TMPRSS7: variants seen among roughly 807,000 people sequenced by gnomAD.
TMPRSS7 encodes transmembrane serine protease 7.
Under a neutral mutation model 95.6 loss-of-function variants are expected in TMPRSS7, and 81 were observed. The ratio of observed to expected loss-of-function variants is 0.85; its 90% CI spans 0.71 to 1.02. TMPRSS7 has a LOEUF of 1.02. Among genes scored for constraint, TMPRSS7 ranks in the 50% least tolerant of loss-of-function variants. The probability of loss-of-function intolerance (pLI) is 0.00; values close to 1 mark genes in which losing one functional copy is unlikely to be tolerated. For missense variants in TMPRSS7, 945 were observed against 955.2 expected (o/e 0.99, Z 0.14); for synonymous variants, 364 against 337.8 (o/e 1.08, Z -0.85).
At chr3:112,049,768 G>A in intron 7 of TMPRSS7, 76 bp from the exon 8 acceptor site, 3 of 1,252,066 alleles carry the variant, frequency 2.4e-6, no homozygotes, top group Non-Finnish European at 3.3e-6. Flanking sequence ...GGAAATGTGT[G>A]GAATCGTTTT....
intron 9 of TMPRSS7, among the ~76,000 whole-genome samples, chr3:112,051,655 T>TCATCTATCTATCTAA (rs2073357430): frequency 3.5e-5 from 3 of 85,992 alleles, no homozygotes; most frequent in Non-Finnish European, 7.9e-5. Context: ...TATCTATCTA[T>TCATCTATCTATCTAA]CTATCTATCT....
At chr3:112,061,755 C>T (rs2073508744) in intron 10 of TMPRSS7, 32 bp from the exon 11 acceptor site, 1 of 1,570,800 alleles carries the variant, frequency 6.4e-7, no homozygotes, top group Non-Finnish European at 8.7e-7. Context: ...GAACCTCAAG[C>T]TGTGTATTCT....
chr3:112,065,098 T>C (rs7650076), intron 12 of TMPRSS7, among the ~76,000 whole-genome samples: 81,765 of 152,092 alleles, frequency 0.54, 22,695 homozygotes, highest in Admixed American at 0.62. Flanking sequence ...TGGAGAGCAG[T>C]GGTGTGATCA....
intron 8 of TMPRSS7, 140 bp from the exon 9 acceptor site, chr3:112,050,531 A>AAAAAAAAAAAAAC (rs1378179423): frequency 1.1e-5 from 4 of 366,928 alleles, no homozygotes; most frequent in African/African-American, 8.3e-5. Context: ...TGAAAAAAAA[A>AAAAAAAAAAAAAC]AAAAAAACCC....
At chr3:112,074,487 T>C in intron 14 of TMPRSS7, 75 bp downstream of exon 14, 1 of 1,136,820 alleles carries the variant, frequency 8.8e-7, no homozygotes, top group Non-Finnish European at 1.3e-6. Context: ...TTCATTCCCT[T>C]CTTGGTGTAT....
rs2073250084 is a variant in TMPRSS7 at position 112,044,337 on chromosome 3, T to G, written c.497+15T>G. Reference sequence around the variant, plus strand: ...GCAGATGTCAGGTAATGCATGTCCCTTGTTTTGAGATTTCTGTGTTCATTG... The same window carrying G: ...GCAGATGTCAGGTAATGCATGTCCCGTGTTTTGAGATTTCTGTGTTCATTG... On this transcript the variant is annotated intron_variant, in intron 4 of 17. Coordinates refer to ENST00000452346, the Ensembl canonical transcript of TMPRSS7. The G allele has an allele frequency of 8.4e-6, 13 of 1,546,770 alleles. No individual in the cohort carries two copies. Among genetic ancestry groups the G allele is most frequent in the Non-Finnish European group, 1.0e-5 (12 of 1,142,888 alleles).
At chr3:112,036,801 G>A (rs1224419984) in intron 1 of TMPRSS7, among the ~76,000 whole-genome samples, 1 of 152,174 alleles carries the variant, frequency 6.6e-6, no homozygotes, top group Non-Finnish European at 1.5e-5. Context: ...CATGGCAGAA[G>A]AACATAAATT....
rs756698755 is a variant in TMPRSS7 at position 112,063,521 on chromosome 3, A to G, written c.1448-4A>G. ...TCTATTTTTTGATTTTTTGTTGCCC[A>G]TAGCCTGCCCTGTTGGATCTTTTAG... On this transcript the variant is annotated splice_region_variant and splice_polypyrimidine_tract_variant and intron_variant, in intron 11 of 17. Coordinates refer to ENST00000452346, the Ensembl canonical transcript of TMPRSS7. 4 of 1,613,294 alleles carry G rather than the reference A, an allele frequency of 2.5e-6. No individual in the cohort carries two copies. The highest frequency in any genetic ancestry group is 2.2e-5 in the South Asian group (2 of 91,024).
chr3:112,049,859 A>G, exon 8 of TMPRSS7: 1 of 1,529,472 alleles, frequency 6.5e-7, no homozygotes, highest in Non-Finnish European at 8.9e-7. Flanking sequence ...GTGAACCCAC[A>G]AGAACATTAA....
intron 13 of TMPRSS7, among the ~76,000 whole-genome samples, chr3:112,068,730 G>A (rs184133163): frequency 0.018 from 2,758 of 152,246 alleles, 71 homozygotes; most frequent in African/African-American, 0.063. Flanking sequence ...GGGCTGAGAT[G>A]ATGGGGTTTT....
rs2073146449 is a variant in TMPRSS7, at chr3:112,035,765, A to T, written c.48+872A>T. ...TAAAGAATTCACAGCATCAAATAGC[A>T]GAGGGTAGACAAGAAAATAAAAGAG... On this transcript the variant is annotated intron_variant, in intron 1 of 17. Transcript: ENST00000452346. 2.0e-5 allele frequency among the ~76,000 whole-genome samples: 3 copies of T among 152,234 alleles called. No individual in the cohort carries two copies. In the South Asian group the frequency reaches 6.2e-4, roughly 31 times the overall value.
At chr3:112,037,137 A>T (rs1324187349) in intron 1 of TMPRSS7, among the ~76,000 whole-genome samples, 1 of 152,254 alleles carries the variant, frequency 6.6e-6, no homozygotes, top group African/African-American at 2.4e-5. Flanking sequence ...ATGTTCAGGG[A>T]ACAAGGGAGA....
chr3:112,050,112 G>A (rs1236735242), intron 8 of TMPRSS7, 138 bp downstream of exon 8: 1 of 771,372 alleles, frequency 1.3e-6, no homozygotes, highest in African/African-American at 1.8e-5. Flanking sequence ...TCAGAAGAGA[G>A]AGACCATATT....
chr3:112,045,234 G>A (rs947095207), intron 4 of TMPRSS7, among the ~76,000 whole-genome samples: 5 of 152,100 alleles, frequency 3.3e-5, no homozygotes, highest in Non-Finnish European at 7.4e-5. Context: ...TGCAACGTCT[G>A]CCTCCCGGGT....
At chr3:112,066,734 A>AGT (rs369038476) in intron 13 of TMPRSS7, among the ~76,000 whole-genome samples, 5 of 150,954 alleles carry the variant, frequency 3.3e-5, no homozygotes, top group East Asian at 3.9e-4. Context: ...TATGTGTGTG[A>AGT]GTGTGTGTGT....
intron 14 of TMPRSS7, 22 bp downstream of exon 14, chr3:112,074,434 T>C: frequency 6.5e-7 from 1 of 1,542,690 alleles, no homozygotes; most frequent in African/African-American, 1.4e-5. Flanking sequence ...TTCATTCCTT[T>C]GGGTTCCTGT....
chr3:112,037,151 C>A (rs113928801), intron 1 of TMPRSS7, among the ~76,000 whole-genome samples: 1 of 152,144 alleles, frequency 6.6e-6, no homozygotes, highest in South Asian at 2.1e-4. Context: ...AGGGAGATAA[C>A]CATTGGGTCT....
downstream of TMPRSS7, chr3:112,081,189 T>C (rs141956785): frequency 0.017 from 19,369 of 1,141,150 alleles, 1,006 homozygotes; most frequent in East Asian, 0.16. Context: ...TCCCAGCACG[T>C]TGGGAGGCCG....
intron 3 of TMPRSS7, chr3:112,042,866 C>A: frequency 2.7e-6 from 1 of 373,998 alleles, no homozygotes; most frequent in South Asian, 2.0e-5. Flanking sequence ...AGTATCTATT[C>A]ATGGCTCTTG....
Sources: gnomAD v4.1 joint callset for allele counts (sites outside exome capture counted in the v4.1 genomes callset) on GRCh38, gnomAD v4.1.1 for gene constraint, MANE v1.5 for transcripts, NCBI Gene and HGNC (gene_info 2026-07-23, HGNC 2026-07-21) for gene names.